FRMPD4: variants seen among roughly 807,000 people sequenced by gnomAD.
The protein encoded by FRMPD4 is FERM and PDZ domain containing 4.
Under a neutral mutation model 94.1 loss-of-function variants are expected in FRMPD4, and 22 were observed. That is an observed-to-expected ratio of 0.23 (90% CI 0.17 to 0.33). FRMPD4 has a LOEUF of 0.33. Ranked by LOEUF, FRMPD4 falls within the 10% of genes least tolerant of loss-of-function variation. The pLI is 1.00. For synonymous variants in FRMPD4, 631 were observed against 548.6 expected, an observed-to-expected ratio of 1.15 and a Z score of -2.10; for missense variants, 1,111 against 1,339.9, an observed-to-expected ratio of 0.83 and a Z score of 2.67.
At chrX:12,435,852 C>G (rs919320697) in intron 1 of FRMPD4, among the ~76,000 whole-genome samples, 2 of 111,477 alleles carry the variant, frequency 1.8e-5, no homozygotes, top group Middle Eastern at 4.6e-3. Context: ...GGATTACTGG[C>G]CCAATTGCTT....
chrX:12,420,309 T>C (rs1012579048), intron 1 of FRMPD4, among the ~76,000 whole-genome samples: 8 of 112,253 alleles, frequency 7.1e-5, no homozygotes, highest in African/African-American at 2.6e-4. Context: ...CTTCTAACAC[T>C]GTCCCACCCG....
At chrX:11,976,393 T>TAA (rs760756000) in intron 3 of FRMPD4, among the ~76,000 whole-genome samples, 2 of 112,346 alleles carry the variant, frequency 1.8e-5, no homozygotes, top group African/African-American at 6.5e-5. Flanking sequence ...GTTTTTCCTT[T>TAA]AAAAAATCAT....
At chrX:12,232,947 C>T (rs2057029727) in intron 1 of FRMPD4, among the ~76,000 whole-genome samples, 1 of 111,854 alleles carries the variant, frequency 8.9e-6, no homozygotes, top group African/African-American at 3.2e-5. Context: ...AATCCAAAAA[C>T]CTATGTTGTA....
intron 3 of FRMPD4, among the ~76,000 whole-genome samples, chrX:12,120,087 T>C (rs997917780): frequency 2.7e-5 from 3 of 112,491 alleles, no homozygotes; most frequent in African/African-American, 6.5e-5. Context: ...GAGTTTTGTT[T>C]TGCAAGATGG....
At chrX:12,134,088 C>T (rs999258217), upstream of FRMPD4, among the ~76,000 whole-genome samples, 5 of 112,093 alleles carry the variant, frequency 4.5e-5, no homozygotes, top group Non-Finnish European at 9.4e-5. Context: ...CTTGCCGTTC[C>T]GTCTGCATGG....
intron 3 of FRMPD4, among the ~76,000 whole-genome samples, chrX:11,931,296 C>T (rs911450442): frequency 8.9e-6 from 1 of 111,935 alleles, no homozygotes; most frequent in Admixed American, 9.5e-5. Flanking sequence ...AAACAACCAC[C>T]TTTTTCTTCT....
At chrX:11,878,889 T>C (rs1163237125) in intron 3 of FRMPD4, among the ~76,000 whole-genome samples, 1 of 112,171 alleles carries the variant, frequency 8.9e-6, no homozygotes, top group African/African-American at 3.2e-5. Flanking sequence ...AAACATTATG[T>C]GCAGACCCAA....
intron 1 of FRMPD4, among the ~76,000 whole-genome samples, chrX:12,159,756 A>C (rs1422489265): frequency 8.9e-6 from 1 of 112,309 alleles, no homozygotes; most frequent in Non-Finnish European, 1.9e-5. Context: ...GAGAGACACA[A>C]CACTTAAATT....
intron 3 of FRMPD4, among the ~76,000 whole-genome samples, chrX:11,935,095 T>TTAAA (rs869047289): frequency 4.1e-5 from 2 of 49,005 alleles, no homozygotes; most frequent in African/African-American, 1.2e-4. Flanking sequence ...TTTTTTTTTT[T>TTAAA]AAATTTAACA....
intron 3 of FRMPD4, among the ~76,000 whole-genome samples, chrX:11,921,860 T>C (rs187161811): frequency 1.8e-5 from 2 of 112,380 alleles, no homozygotes; most frequent in Admixed American, 1.9e-4. Flanking sequence ...AAAATTTGTT[T>C]CTTGCTTAGT....
intron 14 of FRMPD4, among the ~76,000 whole-genome samples, chrX:12,712,810 T>C (rs2042010232): frequency 8.9e-6 from 1 of 111,748 alleles, no homozygotes; most frequent in East Asian, 2.8e-4. Flanking sequence ...GCATGGTGGC[T>C]CATGCCTGTA....
intron 1 of FRMPD4, among the ~76,000 whole-genome samples, chrX:12,454,749 G>GT (rs777133690): frequency 2.0e-4 from 21 of 107,463 alleles, no homozygotes; most frequent in Middle Eastern, 4.8e-3. Context: ...GGGAAACCTC[G>GT]TTTTTTCAGA....
At chrX:12,201,354 T>G (rs1601691547) in intron 1 of FRMPD4, among the ~76,000 whole-genome samples, 3 of 112,285 alleles carry the variant, frequency 2.7e-5, no homozygotes, top group Non-Finnish European at 5.6e-5. Flanking sequence ...AGTAAATCCT[T>G]CAACAATGAC....
intron 3 of FRMPD4, among the ~76,000 whole-genome samples, chrX:12,052,607 A>G (rs1219793993): frequency 8.9e-6 from 1 of 112,479 alleles, no homozygotes; most frequent in Non-Finnish European, 1.9e-5. Context: ...TCAATCAGCC[A>G]TTCCAAAGCA....
intron 1 of FRMPD4, among the ~76,000 whole-genome samples, chrX:12,332,045 A>G (rs2055423584): frequency 2.6e-5 from 2 of 76,269 alleles, no homozygotes; most frequent in South Asian, 1.1e-3. Flanking sequence ...TATATACTAT[A>G]TATAAATTAT....
chrX:12,493,992 A>C (rs1285093282), intron 1 of FRMPD4, among the ~76,000 whole-genome samples: 1 of 112,023 alleles, frequency 8.9e-6, no homozygotes. Flanking sequence ...CCAACCTGTT[A>C]AGTGGCAAAC....
chrX:12,457,639 C>T (rs1601965449), intron 1 of FRMPD4, among the ~76,000 whole-genome samples: 1 of 111,940 alleles, frequency 8.9e-6, no homozygotes, highest in Middle Eastern at 4.6e-3. Context: ...ATATATTAAA[C>T]CACTTCACTA....
intron 1 of FRMPD4, among the ~76,000 whole-genome samples, chrX:12,429,307 T>G (rs1425956073): frequency 8.9e-6 from 1 of 111,945 alleles, no homozygotes; most frequent in Non-Finnish European, 1.9e-5. Context: ...GGATGGTTGT[T>G]TGACTGCAAT....
chrX:12,575,372 G>A (rs1349781452), intron 2 of FRMPD4, among the ~76,000 whole-genome samples: 2 of 103,880 alleles, frequency 1.9e-5, no homozygotes, highest in Non-Finnish European at 3.9e-5. Flanking sequence ...GCTGTTGCTC[G>A]GTCCTAATAA....
Sources: allele counts gnomAD v4.1 joint callset (sites outside exome capture counted in the v4.1 genomes callset), GRCh38; gene constraint gnomAD v4.1.1; transcripts MANE v1.5; gene names NCBI Gene and HGNC (gene_info 2026-07-23, HGNC 2026-07-21).